PCDHA10: variants seen among roughly 807,000 people sequenced by gnomAD.
PCDHA10 encodes protocadherin alpha-10.
Under a neutral mutation model 61.2 loss-of-function variants are expected in PCDHA10, and 45 were observed. The observed-to-expected ratio is 0.74, with a 90% CI of 0.58 to 0.94. The LOEUF (loss-of-function observed/expected upper bound fraction) is 0.94. PCDHA10 is among the 40% of genes least tolerant of loss of function. The pLI is 0.00. For synonymous variants in PCDHA10, 602 were observed against 548.8 expected (o/e 1.10, Z -1.35); for missense variants, 1,278 against 1,236.2 (o/e 1.03, Z -0.51).
At chr5:140,978,795 G>T in intron 1 of PCDHA10, 154 bp from the exon 2 acceptor site, 1 of 979,238 alleles carries the variant, frequency 1.0e-6, no homozygotes, top group Non-Finnish European at 1.2e-6. Flanking sequence ...TGCTATATAT[G>T]TAGATATCAT....
rs113635864 is a variant in PCDHA10 at position 140,947,396 on chromosome 5, A to T, written c.2389-31553A>T. On this transcript the variant is annotated intron_variant, in intron 1 of 3. Coordinates refer to ENST00000307360, the MANE Select transcript of PCDHA10 (RefSeq NM_018901.4). ...ATATGTTTATCCTTTCACTAAAAGT[A>T]GACTGTCTTGATATTGTAGCTTTAT... Among the ~76,000 whole-genome samples the T allele has an allele frequency of 7.1e-3, 1,081 of 151,828 alleles. 11 individuals are homozygous for T. The highest frequency in any genetic ancestry group is 0.025 in the African/African-American group (1,045 of 41,538).
In PCDHA10 at chr5:140,979,008, G is replaced by T; in HGVS notation, c.2447+1G>T. 1 of 1,613,990 alleles carries T rather than the reference G, an allele frequency of 6.2e-7. No individual in the cohort carries two copies. The highest frequency in any genetic ancestry group is 1.3e-5 in the African/African-American group (1 of 75,044). ...CCTCCCTGAGAGCAGGCATGCACAG[G>T]TATGTATTTCCCTCCTCATTCACTC... On this transcript the variant is annotated splice_donor_variant, in intron 2 of 3. Transcript: ENST00000307360. LOFTEE classifies it high-confidence loss of function.
rs782288464 is a variant in PCDHA10 at position 140,857,735 on chromosome 5, G to C, written c.1687G>C (p.Ala563Pro). 5.0e-6 allele frequency: 8 copies of C among 1,597,222 alleles called. No homozygotes were observed. Among genetic ancestry groups the C allele is most frequent in the South Asian group, 1.1e-5 (1 of 90,492 alleles). Residue 563 changes from alanine (A) to proline (P), a missense_variant, in exon 1 of 4, where the codon GCG becomes CCG. Physicochemically the swap from Ala to Pro is conservative, Grantham distance 27. Transcript: ENST00000307360. ...GCTGGACGAGAACGACAACGCTCCC[G>C]CGCTGCTGGCGTCTCCCGCTGGCAG... Reference protein sequence around the residue: ...FVLDENDNAPALLASPAGSAG... With the variant: ...FVLDENDNAPPLLASPAGSAG...
intron 1 of PCDHA10, among the ~76,000 whole-genome samples, chr5:140,960,097 T>C (rs2095526762): frequency 6.6e-6 from 1 of 152,232 alleles, no homozygotes. Context: ...AAGAAACTTG[T>C]AGTTGTGGGA....
chr5:140,923,461 A>G (rs530510417), intron 1 of PCDHA10, among the ~76,000 whole-genome samples: 97 of 152,204 alleles, frequency 6.4e-4, no homozygotes, highest in African/African-American at 2.2e-3. Context: ...CCAGAGAGGT[A>G]GGGGCTGCAG....
At chr5:140,886,651 C>T (rs1427441330) in intron 1 of PCDHA10, among the ~76,000 whole-genome samples, 4 of 151,902 alleles carry the variant, frequency 2.6e-5, no homozygotes, top group Non-Finnish European at 4.4e-5. Context: ...CATGGTGAAA[C>T]CCTGTCTCTA....
chr5:140,994,788 C>G (rs139745274), intron 3 of PCDHA10, among the ~76,000 whole-genome samples: 1 of 152,194 alleles, frequency 6.6e-6, no homozygotes, highest in East Asian at 1.9e-4. Context: ...GGAAACAATG[C>G]GTGCATGCAA....
At position 140,871,104 on chromosome 5, in the gene PCDHA10, G is replaced by A. The variant is rs377444052; in HGVS notation, c.2388+12668G>A. 1,642 of 1,613,308 alleles carry A rather than the reference G, an allele frequency of 1.0e-3. 2 individuals are homozygous for A. Among genetic ancestry groups the A allele is most frequent in the Non-Finnish European group, 1.0e-3 (1,175 of 1,179,876 alleles). On this transcript the variant is annotated intron_variant, in intron 1 of 3. Coordinates refer to ENST00000307360, the MANE Select transcript of PCDHA10 (RefSeq NM_018901.4). ...CGGCCACGGCCACCGTGCTGGTGTC[G>A]TTGGTGGAGAGCGGACAGGCGCCAA...
chr5:140,914,528 A>G (rs1333576504), intron 1 of PCDHA10, among the ~76,000 whole-genome samples: 2 of 152,114 alleles, frequency 1.3e-5, no homozygotes, highest in African/African-American at 4.8e-5. Flanking sequence ...TCATCCATTC[A>G]GCCACTTTAT....
chr5:140,906,615 T>C (rs2072789527), intron 1 of PCDHA10, among the ~76,000 whole-genome samples: 1 of 152,226 alleles, frequency 6.6e-6, no homozygotes, highest in Admixed American at 6.5e-5. Context: ...TGTATTCCCT[T>C]TGCCTTCAGC....
intron 3 of PCDHA10, among the ~76,000 whole-genome samples, chr5:140,996,730 A>G (rs1271920339): frequency 2.6e-5 from 4 of 152,228 alleles, no homozygotes; most frequent in African/African-American, 9.6e-5. Context: ...AGAAGAAACA[A>G]AAGTCATAAC....
chr5:140,899,102 G>A (rs1156372420), intron 1 of PCDHA10, among the ~76,000 whole-genome samples: 1 of 152,066 alleles, frequency 6.6e-6, no homozygotes, highest in Non-Finnish European at 1.5e-5. Flanking sequence ...TGAGATAATG[G>A]GGTTTTCTAG....
At chr5:140,876,398 A>G (rs782094508) in intron 1 of PCDHA10, 1 of 1,613,962 alleles carries the variant, frequency 6.2e-7, no homozygotes, top group Non-Finnish European at 8.5e-7. Context: ...GGTGAACTGG[A>G]TTTTGAAGAG....
chr5:140,982,795 A>ATG (rs60616196), intron 3 of PCDHA10, among the ~76,000 whole-genome samples: 5,064 of 151,610 alleles, frequency 0.033, 263 homozygotes, highest in African/African-American at 0.11. Context: ...GCATGTGTGC[A>ATG]TGTGTGTGTG....
At chr5:140,946,210 G>C (rs140796631) in intron 1 of PCDHA10, among the ~76,000 whole-genome samples, 1 of 152,052 alleles carries the variant, frequency 6.6e-6, no homozygotes, top group African/African-American at 2.4e-5. Flanking sequence ...GCACACAAAT[G>C]ACCAACAGGT....
At chr5:140,943,063 C>T (rs1461337774) in intron 1 of PCDHA10, among the ~76,000 whole-genome samples, 1 of 151,748 alleles carries the variant, frequency 6.6e-6, no homozygotes, top group Admixed American at 6.6e-5. Context: ...TCAAGAACAG[C>T]CTGACCAACA....
intron 1 of PCDHA10, among the ~76,000 whole-genome samples, chr5:140,925,484 T>C (rs1178019565): frequency 6.6e-6 from 1 of 152,066 alleles, no homozygotes; most frequent in Admixed American, 6.6e-5. Flanking sequence ...CTCATAGAAC[T>C]GATCACTGTC....
rs1486746921 is a variant in PCDHA10 at position 141,009,728 on chromosome 5, G to A, written c.2638G>A (p.Gly880Ser). Residue 880 changes from glycine (G) to serine (S), a missense_variant, in exon 4 of 4, where the codon GGT becomes AGT. Gly to Ser is a moderately conservative substitution (Grantham distance 56). Coordinates refer to ENST00000307360, the MANE Select transcript of PCDHA10 (RefSeq NM_018901.4). The part of the protein sequence containing the change: ...GPGNPKQSGP[G>S]ELPDKFIIPG... ...AGGCAACCCCAAACAATCCGGTCCC[G>A]GTGAGTTGCCCGACAAATTCATTAT... The A allele has an allele frequency of 3.1e-6, 5 of 1,613,998 alleles. No homozygotes were observed. The highest frequency in any genetic ancestry group is 2.2e-5 in the East Asian group (1 of 44,874).
At chr5:140,949,544 T>A (rs981428881) in intron 1 of PCDHA10, among the ~76,000 whole-genome samples, 1 of 151,908 alleles carries the variant, frequency 6.6e-6, no homozygotes, top group Non-Finnish European at 1.5e-5. Flanking sequence ...TATCGATTTG[T>A]TGCTGGTCAT....
Sources: gnomAD v4.1 joint callset for allele counts (sites outside exome capture counted in the v4.1 genomes callset) on GRCh38, gnomAD v4.1.1 for gene constraint, MANE v1.5 for transcripts, NCBI Gene and HGNC (gene_info 2026-07-23, HGNC 2026-07-21) for gene names.